The following ELMO1 variants were observed in gnomAD, a reference collection of about 807,000 sequenced individuals.
ELMO1 encodes engulfment and cell motility protein 1.
Under a neutral mutation model 98.9 loss-of-function variants are expected in ELMO1, and 26 were observed. That is an observed-to-expected ratio of 0.26 (90% CI 0.19 to 0.36). ELMO1 has a LOEUF of 0.36. Among genes scored for constraint, ELMO1 ranks in the 10% least tolerant of loss-of-function variants. ELMO1 has a pLI of 1.00. For missense variants in ELMO1, 627 were observed against 935.2 expected (o/e 0.67, Z 4.30); for synonymous variants, 346 against 346.0 (o/e 1.00, Z 0.00).
chr7:36,899,487 C>T (rs2129057852), intron 16 of ELMO1, among the ~76,000 whole-genome samples: 1 of 152,154 alleles, frequency 6.6e-6, no homozygotes, highest in South Asian at 2.1e-4. Context: ...GTACATGCTT[C>T]AAGCATGAAA....
At chr7:36,884,654 G>A (rs2129049136) in intron 18 of ELMO1, among the ~76,000 whole-genome samples, 1 of 152,294 alleles carries the variant, frequency 6.6e-6, no homozygotes, top group East Asian at 1.9e-4. Context: ...GTCTGCATGT[G>A]ACTATTCCAG....
At chr7:37,181,267 T>A (rs1399313197) in intron 13 of ELMO1, among the ~76,000 whole-genome samples, 6 of 152,058 alleles carry the variant, frequency 3.9e-5, no homozygotes, top group Non-Finnish European at 7.4e-5. Flanking sequence ...AGGGGTCAAC[T>A]TTTTGTCCTG....
chr7:37,131,835 T>C (rs1786941181), intron 14 of ELMO1, among the ~76,000 whole-genome samples: 1 of 152,118 alleles, frequency 6.6e-6, no homozygotes, highest in African/African-American at 2.4e-5. Context: ...TCAGAATAGG[T>C]CAAAGCTTCC....
intron 14 of ELMO1, among the ~76,000 whole-genome samples, chr7:37,124,027 C>T (rs6971052): frequency 2.0e-4 from 31 of 152,176 alleles, no homozygotes; most frequent in South Asian, 6.2e-4. Context: ...ACAGAACCAA[C>T]GACAAAAACC....
At chr7:37,018,107 A>C (rs1479567360) in intron 15 of ELMO1, among the ~76,000 whole-genome samples, 2 of 151,982 alleles carry the variant, frequency 1.3e-5, no homozygotes, top group Non-Finnish European at 2.9e-5. Flanking sequence ...TAGAATTAGT[A>C]AACAGTGGCT....
rs377516394 is a variant in ELMO1 at position 37,025,103 on chromosome 7, T to C, written c.1301-11668A>G. Among the ~76,000 whole-genome samples, 41 of 152,344 alleles carry C rather than the reference T, an allele frequency of 2.7e-4. No individual in the cohort carries two copies. The East Asian group carries it at 3.9e-3, about 14-fold the overall frequency. On this transcript the variant is annotated intron_variant, in intron 15 of 21. Transcript: ENST00000310758. ...GTCCTCCAGTTGAAAACAATCAAGATGTGCACAGAAACAGAAGCTGGATCA... is the reference window on the plus strand; with the variant it reads ...GTCCTCCAGTTGAAAACAATCAAGACGTGCACAGAAACAGAAGCTGGATCA...
chr7:37,246,812 A>C (rs996369814), intron 6 of ELMO1, among the ~76,000 whole-genome samples: 6 of 151,854 alleles, frequency 4.0e-5, no homozygotes, highest in African/African-American at 9.7e-5. Context: ...AGATAGATAG[A>C]TATCTATCTA....
intron 14 of ELMO1, among the ~76,000 whole-genome samples, chr7:37,125,693 T>C (rs1035138956): frequency 1.3e-5 from 2 of 152,202 alleles, no homozygotes; most frequent in Non-Finnish European, 2.9e-5. Flanking sequence ...TTTTACACCG[T>C]TGGTGGGACT....
In ELMO1 at chr7:36,985,712, T is replaced by C. The variant is rs1400497951; in HGVS notation, c.1437+27587A>G. ...TAACAAGACAACCAATGTCCAAGTA[T>C]AATGTACAGTCAGCTACAAATCGGA... On this transcript the variant is annotated intron_variant, in intron 16 of 21. Transcript: ENST00000310758. Among the ~76,000 whole-genome samples, 5 of 152,222 alleles carry C rather than the reference T, an allele frequency of 3.3e-5. No homozygotes were observed. The East Asian group carries it at 9.6e-4, about 29-fold the overall frequency.
intron 16 of ELMO1, among the ~76,000 whole-genome samples, chr7:36,968,497 G>A (rs1465593767): frequency 6.6e-6 from 1 of 152,160 alleles, no homozygotes; most frequent in East Asian, 1.9e-4. Flanking sequence ...GTGCAGGCAT[G>A]CGTGTCTGGG....
At chr7:36,865,500 C>A (rs970418468) in intron 20 of ELMO1, among the ~76,000 whole-genome samples, 11 of 152,198 alleles carry the variant, frequency 7.2e-5, no homozygotes, top group African/African-American at 2.7e-4. Context: ...GTTCTCCAAT[C>A]CATATTCTTC....
At chr7:36,970,269 C>T (rs1056167659) in intron 16 of ELMO1, among the ~76,000 whole-genome samples, 1 of 151,766 alleles carries the variant, frequency 6.6e-6, no homozygotes, top group Non-Finnish European at 1.5e-5. Flanking sequence ...CTTCTTTGTT[C>T]CATGAATTAT....
intron 6 of ELMO1, among the ~76,000 whole-genome samples, chr7:37,253,896 T>C (rs1288597477): frequency 3.9e-5 from 6 of 152,102 alleles, no homozygotes; most frequent in Non-Finnish European, 8.8e-5. Flanking sequence ...GCTGGAACAT[T>C]GCCCAGGAGT....
At chr7:37,232,737 A>G (rs747420931) in intron 8 of ELMO1, among the ~76,000 whole-genome samples, 9 of 152,230 alleles carry the variant, frequency 5.9e-5, no homozygotes, top group South Asian at 2.1e-4. Flanking sequence ...TTTTCCCTGG[A>G]CACCAGGTTG....
intron 16 of ELMO1, among the ~76,000 whole-genome samples, chr7:36,983,166 G>A (rs1791215344): frequency 6.6e-6 from 1 of 152,282 alleles, no homozygotes; most frequent in South Asian, 2.1e-4. Context: ...TCTCCCAGAT[G>A]GCCCAGAAGG....
intron 6 of ELMO1, among the ~76,000 whole-genome samples, chr7:37,247,275 C>G (rs927088650): frequency 5.3e-5 from 8 of 152,120 alleles, no homozygotes; most frequent in Admixed American, 2.0e-4. Context: ...TGAAAGAAAG[C>G]TTATAGGCAC....
intron 16 of ELMO1, among the ~76,000 whole-genome samples, chr7:36,902,769 C>A (rs1783673447): frequency 6.6e-6 from 1 of 152,190 alleles, no homozygotes; most frequent in Admixed American, 6.5e-5. Context: ...TGGGAACCTG[C>A]ATGTTGACGA....
intron 4 of ELMO1, among the ~76,000 whole-genome samples, chr7:37,279,714 C>G (rs1307603303): frequency 6.6e-6 from 1 of 152,198 alleles, no homozygotes; most frequent in Non-Finnish European, 1.5e-5. Context: ...GCCATTACCA[C>G]CTGGCACCAC....
chr7:36,965,388 C>A (rs1299588422), intron 16 of ELMO1, among the ~76,000 whole-genome samples: 2 of 152,156 alleles, frequency 1.3e-5, no homozygotes, highest in African/African-American at 4.8e-5. Context: ...CACTTTTCCC[C>A]TAGGTTATAC....
Sources: allele counts gnomAD v4.1 joint callset (sites outside exome capture counted in the v4.1 genomes callset), GRCh38; gene constraint gnomAD v4.1.1; transcripts MANE v1.5; gene names NCBI Gene and HGNC (gene_info 2026-07-23, HGNC 2026-07-21).